Variants in KCNJ15 observed in about 807,000 individuals in gnomAD.
KCNJ15 encodes ATP-sensitive inward rectifier potassium channel 15.
In KCNJ15, 14 loss-of-function variants were observed where a neutral mutation model predicts 23.0. The observed-to-expected ratio is 0.61, with a 90% confidence interval of 0.40 to 0.95. KCNJ15 has a LOEUF of 0.95. KCNJ15 is among the 40% of genes least tolerant of loss of function. KCNJ15 has a pLI of 0.00. For synonymous variants in KCNJ15, 185 were observed against 183.2 expected (o/e 1.01, Z -0.08); for missense variants, 388 against 461.8 (o/e 0.84, Z 1.46).
intron 1 of KCNJ15, among the ~76,000 whole-genome samples, chr21:38,244,462 C>G (rs1305906235): frequency 6.6e-6 from 1 of 152,176 alleles, no homozygotes; most frequent in African/African-American, 2.4e-5. Flanking sequence ...GATCTATTGT[C>G]TTTCCTCACC....
At chr21:38,286,667 A>G (rs1315722512) in intron 1 of KCNJ15, among the ~76,000 whole-genome samples, 1 of 152,220 alleles carries the variant, frequency 6.6e-6, no homozygotes, top group Non-Finnish European at 1.5e-5. Context: ...ATTCTGTGAT[A>G]TTACCAGAAT....
chr21:38,277,561 C>T (rs1982851156), intron 1 of KCNJ15, among the ~76,000 whole-genome samples: 2 of 152,128 alleles, frequency 1.3e-5, no homozygotes, highest in Non-Finnish European at 2.9e-5. Context: ...TGAACTTCCA[C>T]GTGCTCTTGG....
chr21:38,276,282 G>A (rs1264111580), intron 1 of KCNJ15, among the ~76,000 whole-genome samples: 1 of 152,078 alleles, frequency 6.6e-6, no homozygotes, highest in Non-Finnish European at 1.5e-5. Context: ...ATGAGCAAAT[G>A]AATGATGTTT....
At chr21:38,238,048 T>C (rs1978735090) in intron 1 of KCNJ15, 1 of 265,806 alleles carries the variant, frequency 3.8e-6, no homozygotes, top group Non-Finnish European at 7.5e-6. Flanking sequence ...CACCGTAGGA[T>C]ACTGTTAAGT....
At position 38,305,635 on chromosome 21, in the gene KCNJ15, A is replaced by AG. The variant is rs1986031115; in HGVS notation, c.*5248dup. ...ATTTTTTATTTGTGTAGACTTTTTT[A>AG]GGATACCTTAAATGTCTTACATGCA... On this transcript the variant is annotated 3_prime_UTR_variant, in exon 3 of 3. Transcript: ENST00000398938. The AG allele has an allele frequency of 6.6e-6, 1 of 152,210 alleles. No individual in the cohort carries two copies. The highest frequency in any genetic ancestry group is 6.5e-5 in the Admixed American group (1 of 15,288). 9.4% of individuals were successfully genotyped at this position (152,210 alleles called of 1,614,324 possible). A position where few individuals can be genotyped will look rare whatever the true frequency, so the allele number is the denominator to read the frequency against.
rs576709021 is a variant in KCNJ15 at position 38,268,550 on chromosome 21, G to GAAAAAA, written c.-117+11387_-117+11392dup. 5.5e-3 allele frequency among the ~76,000 whole-genome samples: 258 copies of GAAAAAA among 47,222 alleles called. 17 individuals carry two copies. The highest frequency in any genetic ancestry group is 9.6e-3 in the Non-Finnish European group (189 of 19,654). The allele number at this position is 47,222 out of a possible 152,430, so 31.0% of individuals were successfully genotyped here. ...TATCTGACAAGAGTACTTAAAATCT[G>GAAAAAA]AAAAAAAAAAAAAAAAAAAAAAAAA... On this transcript the variant is annotated intron_variant, in intron 1 of 2. Transcript: ENST00000398938.
chr21:38,266,445 A>T (rs1981473640), intron 1 of KCNJ15, among the ~76,000 whole-genome samples: 1 of 152,188 alleles, frequency 6.6e-6, no homozygotes, highest in African/African-American at 2.4e-5. Flanking sequence ...AGCTTCATCC[A>T]TGTCCCTGCA....
At chr21:38,235,425 G>A (rs542115571) in intron 1 of KCNJ15, among the ~76,000 whole-genome samples, 1 of 152,152 alleles carries the variant, frequency 6.6e-6, no homozygotes, top group South Asian at 2.1e-4. Flanking sequence ...GTCGTGGCAC[G>A]CGCCTGTAAT....
At chr21:38,294,394 C>T (rs1056579527) in intron 1 of KCNJ15, among the ~76,000 whole-genome samples, 1 of 152,036 alleles carries the variant, frequency 6.6e-6, no homozygotes, top group Non-Finnish European at 1.5e-5. Context: ...GCCTCATCAC[C>T]CTGGTTAAAA....
chr21:38,299,806 A>T lies in KCNJ15; in HGVS notation c.545A>T (p.His182Leu). ...KKRAETIKFSHCAVITKQNGK... is the reference protein window; with the variant it reads ...KKRAETIKFSLCAVITKQNGK... ...CGGGCTGAGACCATCAAGTTCAGCC[A>T]CTGTGCAGTCATCACCAAGCAGAAT... The change falls in exon 3 of 3, where the codon CAC (histidine) becomes CTC (leucine). Residue 182 changes from histidine to leucine, a missense_variant. Coordinates refer to ENST00000398938, the MANE Select transcript of KCNJ15 (RefSeq NM_170736.3). The surrounding 1 kb of genome is among the most constrained non-coding windows in gnomAD (Gnocchi z 4.5). 1 of 1,614,138 alleles carries T rather than the reference A, an allele frequency of 6.2e-7. No homozygotes were observed. The highest frequency in any genetic ancestry group is 1.1e-5 in the South Asian group (1 of 91,078).
chr21:38,287,245 T>C (rs1480658666), intron 1 of KCNJ15, among the ~76,000 whole-genome samples: 1 of 152,216 alleles, frequency 6.6e-6, no homozygotes, highest in Non-Finnish European at 1.5e-5. Context: ...AAGCCATGCA[T>C]GAAAAGGCTG....
At position 38,246,962 on chromosome 21, in the gene KCNJ15, G is replaced by T. The variant is rs1387484887; in HGVS notation, c.-398-10084G>T. 2.6e-5 allele frequency among the ~76,000 whole-genome samples: 4 copies of T among 152,192 alleles called. No homozygotes were observed. In the East Asian group the frequency reaches 7.7e-4, roughly 29 times the overall value. ...GCTTGAATTTTAAGAGAGAGGAAAA[G>T]TCATTTAATAAAACTAAAAAATGAA... is the stretch of plus-strand genomic sequence containing the variant. On this transcript the variant is annotated intron_variant, in intron 1 of 4. Coordinates refer to the KCNJ15 transcript ENST00000547341.
At chr21:38,257,751 A>T (rs569284342) in intron 1 of KCNJ15, among the ~76,000 whole-genome samples, 1 of 152,356 alleles carries the variant, frequency 6.6e-6, no homozygotes, top group African/African-American at 2.4e-5. Context: ...ATGACCCATG[A>T]TTAATATGTT....
intron 1 of KCNJ15, among the ~76,000 whole-genome samples, chr21:38,290,809 AGATAC>A (rs1240201815): frequency 6.6e-6 from 1 of 152,116 alleles, no homozygotes; most frequent in Admixed American, 6.5e-5. Context: ...CCACGAAGAG[AGATAC>A]CTACCCGTAA....
At chr21:38,289,560 C>T (rs1202739437) in intron 1 of KCNJ15, among the ~76,000 whole-genome samples, 1 of 151,988 alleles carries the variant, frequency 6.6e-6, no homozygotes, top group Non-Finnish European at 1.5e-5. Flanking sequence ...TGGTGAAACC[C>T]CATCTCTACT....
chr21:38,231,536 A>G (rs1988743368), intron 1 of KCNJ15, among the ~76,000 whole-genome samples: 1 of 151,984 alleles, frequency 6.6e-6, no homozygotes, highest in Non-Finnish European at 1.5e-5. Flanking sequence ...GGGGAAAAGC[A>G]TTCAGTCTTT....
intron 1 of KCNJ15, among the ~76,000 whole-genome samples, chr21:38,287,846 T>A (rs1984072410): frequency 6.6e-6 from 1 of 151,998 alleles, no homozygotes; most frequent in South Asian, 2.1e-4. Flanking sequence ...GCTTTCAACT[T>A]TGGGACAAGC....
rs1455935941 is a variant in KCNJ15 at position 38,299,970 on chromosome 21, T to C, written c.709T>C (p.Phe237Leu). 6.2e-7 allele frequency: 1 copy of C among 1,613,938 alleles called. No homozygotes were observed. The highest frequency in any genetic ancestry group is 8.5e-7 in the Non-Finnish European group (1 of 1,180,016). ...TCTCCTCAACCAAGCCACTGTCAAA[T>C]TCCACGTGGACTCCTCCTCTGAGAG... Reference protein sequence around the residue: ...RILLNQATVKFHVDSSSESPF... With the variant: ...RILLNQATVKLHVDSSSESPF... The change falls in exon 3 of 3, where the codon TTC becomes CTC. Residue 237 changes from phenylalanine to leucine, a missense_variant. Transcript: ENST00000398938. The surrounding 1 kb of genome is among the most constrained non-coding windows in gnomAD (Gnocchi z 4.5).
intron 1 of KCNJ15, among the ~76,000 whole-genome samples, chr21:38,267,070 T>A (rs527535583): frequency 6.6e-6 from 1 of 152,138 alleles, no homozygotes; most frequent in Non-Finnish European, 1.5e-5. Context: ...TGGACCAGCA[T>A]GGTGGCTGTG....
Sources: allele counts gnomAD v4.1 joint callset (sites outside exome capture counted in the v4.1 genomes callset), GRCh38; gene constraint gnomAD v4.1.1; non-coding constraint Gnocchi (gnomAD v3.1); transcripts MANE v1.5; gene names NCBI Gene and HGNC (gene_info 2026-07-23, HGNC 2026-07-21).